Variants in VPS53 observed in about 807,000 individuals in gnomAD.
VPS53 encodes the protein VPS53 subunit of GARP complex.
In VPS53, 70 loss-of-function variants were observed where a neutral mutation model predicts 107.0. That is an observed-to-expected ratio of 0.65 (90% CI 0.54 to 0.80). The LOEUF is 0.80. VPS53 is among the 30% of genes least tolerant of loss of function. The pLI is 0.00. For synonymous variants in VPS53, 409 were observed against 393.3 expected, an observed-to-expected ratio of 1.04 and a Z score of -0.47; for missense variants, 917 against 1,049.4, an observed-to-expected ratio of 0.87 and a Z score of 1.74.
rs546155774 is a variant in VPS53 at position 638,537 on chromosome 17, T to A, written c.609-6909A>T. On this transcript the variant is annotated intron_variant, in intron 7 of 21. Transcript: ENST00000437048. ...GATGGTCTTTACAATTTGGCATGTT[T>A]TTGCAGTGGCTAGTACCGGTTGTTC... 2.0e-5 allele frequency among the ~76,000 whole-genome samples: 3 copies of A among 152,348 alleles called. No homozygotes were observed. The East Asian group carries it at 5.8e-4, about 29-fold the overall frequency.
At chr17:541,185 C>T (rs1457481825) in intron 17 of VPS53, among the ~76,000 whole-genome samples, 1 of 152,230 alleles carries the variant, frequency 6.6e-6, no homozygotes, top group Non-Finnish European at 1.5e-5. Context: ...CACACACGTA[C>T]ACGCTCACTC....
chr17:628,339 G>C, intron 8 of VPS53, 108 bp from the exon 9 acceptor site: 1 of 1,301,558 alleles, frequency 7.7e-7, no homozygotes, highest in African/African-American at 1.5e-5. Context: ...TCTTACTCCT[G>C]CTCCTTCACA....
At chr17:703,486 C>T (rs1973283688) in intron 2 of VPS53, among the ~76,000 whole-genome samples, 1 of 152,164 alleles carries the variant, frequency 6.6e-6, no homozygotes, top group Non-Finnish European at 1.5e-5. Context: ...TCACCAGGGT[C>T]GAGGGCCTCT....
intron 4 of VPS53, among the ~76,000 whole-genome samples, chr17:669,471 T>C (rs887071927): frequency 7.2e-5 from 11 of 151,906 alleles, no homozygotes; most frequent in African/African-American, 2.7e-4. Context: ...TACATGCCTA[T>C]AGTTCCAGCT....
chr17:707,664 C>T (rs375306374), intron 2 of VPS53, among the ~76,000 whole-genome samples: 5 of 151,884 alleles, frequency 3.3e-5, no homozygotes, highest in Non-Finnish European at 7.4e-5. Context: ...GCCTGGGCTT[C>T]GTAGTGAGAT....
At chr17:532,944 T>C in intron 18 of VPS53, 33 bp from the exon 19 acceptor site, 2 of 1,606,026 alleles carry the variant, frequency 1.2e-6, no homozygotes, top group South Asian at 2.2e-5. Context: ...AAATTAGGCT[T>C]ATTCTCTCTT....
chr17:624,256 A>G (rs778825664), intron 10 of VPS53, among the ~76,000 whole-genome samples: 3 of 152,202 alleles, frequency 2.0e-5, no homozygotes, highest in Non-Finnish European at 2.9e-5. Context: ...TATAGCCTAT[A>G]TAATTTCACA....
At chr17:586,445 A>C in intron 12 of VPS53, 81 bp from the exon 13 acceptor site, 1 of 1,321,174 alleles carries the variant, frequency 7.6e-7, no homozygotes, top group South Asian at 1.2e-5. Context: ...ACATCATTTC[A>C]AAGTTCATTC....
At chr17:703,942 C>A (rs1157285554) in intron 2 of VPS53, among the ~76,000 whole-genome samples, 1 of 152,012 alleles carries the variant, frequency 6.6e-6, no homozygotes, top group East Asian at 1.9e-4. Context: ...CTTGGTCTCC[C>A]AAAGTGCTGG....
At position 710,620 on chromosome 17, in the gene VPS53, A is replaced by C. The variant is rs752151934; in HGVS notation, c.88-7T>G. ...GGTCCTGGCTTGGAAACACCTATAT[A>C]GAAAGAGAGGAGTATATATAAAAAC... On this transcript the variant is annotated splice_region_variant and splice_polypyrimidine_tract_variant and intron_variant, in intron 1 of 21. Transcript: ENST00000437048. 6.3e-7 allele frequency: 1 copy of C among 1,596,106 alleles called. No individual in the cohort carries two copies. The highest frequency in any genetic ancestry group is 2.2e-5 in the East Asian group (1 of 44,766).
chr17:651,370 C>T (rs1023591229), intron 7 of VPS53, among the ~76,000 whole-genome samples: 7 of 152,176 alleles, frequency 4.6e-5, no homozygotes, highest in East Asian at 1.9e-4. Context: ...CCTGTAACCC[C>T]GATGCACTGG....
At chr17:532,575 T>G (rs939183924) in intron 19 of VPS53, 7 of 704,618 alleles carry the variant, frequency 9.9e-6, no homozygotes, top group Middle Eastern at 5.1e-4. Flanking sequence ...CTTCTTCTTA[T>G]TGGAGTGTGA....
At chr17:573,478 G>A (rs968902321) in intron 13 of VPS53, among the ~76,000 whole-genome samples, 2 of 152,138 alleles carry the variant, frequency 1.3e-5, no homozygotes, top group African/African-American at 4.8e-5. Context: ...CAGGTGGGAG[G>A]CTGGGGAGAT....
chr17:574,757 C>T (rs1010186471), intron 13 of VPS53, among the ~76,000 whole-genome samples: 1 of 151,936 alleles, frequency 6.6e-6, no homozygotes, highest in Non-Finnish European at 1.5e-5. Context: ...ACTGAGACCC[C>T]GTCTCAAAAA....
At chr17:597,837 T>G (rs1968050021) in intron 12 of VPS53, among the ~76,000 whole-genome samples, 1 of 152,010 alleles carries the variant, frequency 6.6e-6, no homozygotes, top group Non-Finnish European at 1.5e-5. Context: ...CCCAAAGTGC[T>G]GGGATTACAG....
intron 4 of VPS53, among the ~76,000 whole-genome samples, chr17:662,977 A>C (rs1156679026): frequency 6.6e-6 from 1 of 152,010 alleles, no homozygotes; most frequent in Non-Finnish European, 1.5e-5. Flanking sequence ...AGGCTGAGGC[A>C]GGAGGATTGC....
intron 2 of VPS53, among the ~76,000 whole-genome samples, chr17:705,100 C>A (rs1156828625): frequency 6.6e-6 from 1 of 152,154 alleles, no homozygotes; most frequent in Non-Finnish European, 1.5e-5. Context: ...GAGCTCTGCA[C>A]TCAAATACCC....
chr17:588,591 T>C (rs1967457889), intron 12 of VPS53, among the ~76,000 whole-genome samples: 1 of 152,248 alleles, frequency 6.6e-6, no homozygotes, highest in Non-Finnish European at 1.5e-5. Context: ...TCTTCCCTTT[T>C]TACCTTTCAG....
intron 5 of VPS53, chr17:657,478 T>A: frequency 6.9e-7 from 1 of 1,453,834 alleles, no homozygotes; most frequent in Admixed American, 1.7e-5. Flanking sequence ...AACACACCGG[T>A]CAATTTATCC....
Sources: gnomAD v4.1 joint callset for allele counts (sites outside exome capture counted in the v4.1 genomes callset) on GRCh38, gnomAD v4.1.1 for gene constraint, MANE v1.5 for transcripts, NCBI Gene and HGNC (gene_info 2026-07-23, HGNC 2026-07-21) for gene names.